Variants in MYH10 observed in about 807,000 individuals in gnomAD.
MYH10 encodes myosin-10.
A neutral mutation model predicts 257.8 loss-of-function variants in MYH10; 55 were observed. That is an observed-to-expected ratio of 0.21 (90% CI 0.17 to 0.27). MYH10 has a LOEUF of 0.27. Among genes scored for constraint, MYH10 ranks in the 10% least tolerant of loss-of-function variants. MYH10 has a pLI of 1.00. For synonymous variants in MYH10, 854 were observed against 921.7 expected, an observed-to-expected ratio of 0.93 and a Z score of 1.33; for missense variants, 1,631 against 2,500.6, an observed-to-expected ratio of 0.65 and a Z score of 7.42.
chr17:8,500,362 A>G lies in MYH10; in HGVS notation c.3744+464T>C, dbSNP rs76388999. 6.4e-3 allele frequency among the ~76,000 whole-genome samples: 972 copies of G among 152,312 alleles called. 17 individuals are homozygous for G. Among genetic ancestry groups the G allele is most frequent in the East Asian group, 0.047 (242 of 5,186 alleles). On this transcript the variant is annotated intron_variant, in intron 29 of 42. Transcript: ENST00000360416. ...TGTCTGAGATACAGAAGCGGGAACA[A>G]TGAATGAAAGCCAACACTGTGTTTG...
At chr17:8,509,052 C>A (rs1028180535) in intron 25 of MYH10, among the ~76,000 whole-genome samples, 4 of 152,218 alleles carry the variant, frequency 2.6e-5, no homozygotes, top group African/African-American at 9.7e-5. Flanking sequence ...CACTGACTCA[C>A]CCAGAGCAGC....
intron 28 of MYH10, among the ~76,000 whole-genome samples, chr17:8,502,975 C>T (rs1319562630): frequency 6.6e-6 from 1 of 152,198 alleles, no homozygotes; most frequent in Non-Finnish European, 1.5e-5. Context: ...CTACTAAAAG[C>T]AGTTACTCTG....
intron 7 of MYH10, among the ~76,000 whole-genome samples, chr17:8,565,403 T>C (rs1437743478): frequency 6.6e-6 from 1 of 152,208 alleles, no homozygotes; most frequent in Non-Finnish European, 1.5e-5. Flanking sequence ...TGGACCTAAT[T>C]ATTTTTAATG....
intron 35 of MYH10, among the ~76,000 whole-genome samples, chr17:8,488,289 TCAG>T (rs927723036): frequency 1.3e-5 from 2 of 152,212 alleles, no homozygotes; most frequent in African/African-American, 4.8e-5. Flanking sequence ...TGAGGGATGC[TCAG>T]AAGAAGGTGC....
At chr17:8,584,618 A>C (rs1442907510) in intron 4 of MYH10, among the ~76,000 whole-genome samples, 2 of 152,182 alleles carry the variant, frequency 1.3e-5, no homozygotes, top group Non-Finnish European at 2.9e-5. Flanking sequence ...ATCAGTCTAG[A>C]GCACACTTAA....
chr17:8,550,339 C>T (rs1165712942), intron 9 of MYH10, among the ~76,000 whole-genome samples: 2 of 151,760 alleles, frequency 1.3e-5, no homozygotes, highest in Non-Finnish European at 2.9e-5. Context: ...TCTGCCCCGC[C>T]GCCCCGTCTG....
intron 41 of MYH10, 122 bp downstream of exon 41, chr17:8,478,216 C>T (rs1469477985): frequency 7.2e-6 from 6 of 836,232 alleles, no homozygotes; most frequent in African/African-American, 3.4e-5. Context: ...TGGAACAGCC[C>T]ACGTTAGCTG....
chr17:8,478,540 A>T, intron 40 of MYH10, 94 bp from the exon 41 acceptor site: 1 of 1,163,592 alleles, frequency 8.6e-7, no homozygotes, highest in Non-Finnish European at 1.3e-6. Flanking sequence ...TGGGAAGATG[A>T]CACATGGTGG....
At chr17:8,620,683 T>C (rs1452841154) in intron 2 of MYH10, among the ~76,000 whole-genome samples, 1 of 152,152 alleles carries the variant, frequency 6.6e-6, no homozygotes, top group South Asian at 2.1e-4. Flanking sequence ...CAAAGCCCAA[T>C]ACATATTTAT....
intron 30 of MYH10, among the ~76,000 whole-genome samples, chr17:8,497,085 T>G (rs556827810): frequency 1.3e-5 from 2 of 152,324 alleles, no homozygotes; most frequent in South Asian, 4.1e-4. Context: ...TCCTGGAAGC[T>G]TGTTCCTGGT....
chr17:8,620,771 A>G (rs1453695594), intron 2 of MYH10, among the ~76,000 whole-genome samples: 1 of 152,154 alleles, frequency 6.6e-6, no homozygotes. Context: ...CTCCAACTAG[A>G]ACCTTAGGTA....
At chr17:8,621,836 C>A (rs1419308424) in intron 2 of MYH10, among the ~76,000 whole-genome samples, 1 of 152,162 alleles carries the variant, frequency 6.6e-6, no homozygotes, top group Non-Finnish European at 1.5e-5. Context: ...ACAAACAGCC[C>A]TTAACTGACC....
At chr17:8,593,622 T>C (rs1198868241) in intron 3 of MYH10, among the ~76,000 whole-genome samples, 2 of 152,182 alleles carry the variant, frequency 1.3e-5, no homozygotes, top group African/African-American at 4.8e-5. Flanking sequence ...TACTTGGTTA[T>C]AAATCTGATG....
intron 32 of MYH10, among the ~76,000 whole-genome samples, chr17:8,493,341 C>T (rs936960176): frequency 3.3e-5 from 5 of 149,450 alleles, no homozygotes; most frequent in South Asian, 2.1e-4. Flanking sequence ...GAGACTCTAT[C>T]TCAAGGAAAA....
chr17:8,568,195 T>C (rs2083224500), intron 7 of MYH10, among the ~76,000 whole-genome samples: 1 of 152,194 alleles, frequency 6.6e-6, no homozygotes. Flanking sequence ...GCAGCCGAAC[T>C]TGGGTTCAGT....
Position 8,477,038 on chromosome 17 carries a change from G to A in MYH10, c.5717C>T (p.Ala1906Val). Reference protein sequence around the residue: ...ADQYKEQMEKANARMKQLKRQ... With the variant: ...ADQYKEQMEKVNARMKQLKRQ... ...TTTAAGCTGCTTCATCCGAGCGTTG[G>A]CCTTCTCCATCTTGGGGAGGGTACA... Residue 1906 changes from alanine (A) to valine (V), a missense_variant, in exon 42 of 43, where the codon GCC (alanine) becomes GTC (valine). By Grantham distance (64) the Ala-to-Val change is moderately conservative. This residue lies in a region of MYH10 where 343 missense variants were observed against 389.5 expected (regional missense o/e 0.88). Transcript: ENST00000360416. This position sits in a 1 kb window ranked among gnomAD's most constrained non-coding sequence, Gnocchi z 4.2. 4 of 1,613,988 alleles carry A rather than the reference G, an allele frequency of 2.5e-6. No homozygotes were observed. Among genetic ancestry groups the A allele is most frequent in the Middle Eastern group, 1.6e-4 (1 of 6,062 alleles).
At position 8,487,508 on chromosome 17, in the gene MYH10, C is replaced by A; in HGVS notation, c.4971G>T (p.Leu1657=). The A allele has an allele frequency of 6.2e-7, 1 of 1,614,214 alleles. No individual in the cohort carries two copies. The highest frequency in any genetic ancestry group is 8.5e-7 in the Non-Finnish European group (1 of 1,180,036). ...CCTCGATTTGGGCTTCGAGGTCCTT[C>A]AGGTCTATCTCCATCTTTTTCTTTG... ...VASKKKMEID[L]KDLEAQIEAA... The change falls in exon 36 of 43, where the codon CTG becomes CTT. Residue 1657 remains leucine, a synonymous_variant. Coordinates refer to ENST00000360416, the MANE Select transcript of MYH10 (RefSeq NM_001256012.3).
intron 2 of MYH10, among the ~76,000 whole-genome samples, chr17:8,608,380 T>C (rs1236610186): frequency 6.6e-6 from 1 of 152,202 alleles, no homozygotes; most frequent in East Asian, 1.9e-4. Context: ...GACTTCACAG[T>C]GCTCAGAAAC....
At chr17:8,536,062 G>A in intron 14 of MYH10, 131 bp from the exon 15 acceptor site, 2 of 803,324 alleles carry the variant, frequency 2.5e-6, no homozygotes, top group East Asian at 2.7e-5. Context: ...GGATGGAAAG[G>A]AATGTCTAAG....
Sources: gnomAD v4.1 joint callset for allele counts (sites outside exome capture counted in the v4.1 genomes callset) on GRCh38, gnomAD v4.1.1 for gene constraint, gnomAD v4.1.1 regional missense constraint, Gnocchi (gnomAD v3.1) non-coding constraint, MANE v1.5 for transcripts, NCBI Gene and HGNC (gene_info 2026-07-23, HGNC 2026-07-21) for gene names.